ZNF483: variants seen among roughly 807,000 people sequenced by gnomAD.
ZNF483 encodes zinc finger protein HIT-10.
ZNF483 carries 9 observed loss-of-function variants against 28.6 expected under a neutral mutation model. That is an observed-to-expected ratio of 0.32 (90% CI 0.19 to 0.55). The LOEUF is 0.55. Among genes scored for constraint, ZNF483 ranks in the 20% least tolerant of loss-of-function variants. The probability of loss-of-function intolerance (pLI) is 0.93; values close to 1 mark genes in which losing one functional copy is unlikely to be tolerated. For synonymous variants in ZNF483, 322 were observed against 306.2 expected, an observed-to-expected ratio of 1.05 and a Z score of -0.54; for missense variants, 675 against 871.7, an observed-to-expected ratio of 0.77 and a Z score of 2.84.
At chr9:111,565,705 G>T (rs1828531224) in intron 5 of ZNF483, among the ~76,000 whole-genome samples, 1 of 151,806 alleles carries the variant, frequency 6.6e-6, no homozygotes, top group South Asian at 2.1e-4. Flanking sequence ...TTAACTTTTT[G>T]TTTTTTGTAG....
Position 111,549,414 on chromosome 9 carries a change from T to G in ZNF483, c.*6244T>G, listed in dbSNP as rs537064219. 6.6e-6 allele frequency among the ~76,000 whole-genome samples: 1 copy of G among 152,346 alleles called. No individual in the cohort carries two copies. Among genetic ancestry groups the G allele is most frequent in the South Asian group, 2.1e-4 (1 of 4,830 alleles). ...ACACATGTGAGGTTCCTCTGCTGAA[T>G]GAATCTTTTGGTGCTCAGTAAGTTG... On this transcript the variant is annotated 3_prime_UTR_variant, in exon 6 of 6. Coordinates refer to ENST00000309235, the MANE Select transcript of ZNF483 (RefSeq NM_133464.5).
Position 111,552,742 on chromosome 9 carries a change from A to G in ZNF483, c.*9572A>G, listed in dbSNP as rs997848493. ...TGTATCAAACAGTTCATCTAAGGCT[A>G]AAGAAAAATACTTGAAATTTTTCAA... is the stretch of plus-strand genomic sequence containing the variant. On this transcript the variant is annotated 3_prime_UTR_variant, in exon 6 of 6. Coordinates refer to ENST00000309235, the MANE Select transcript of ZNF483 (RefSeq NM_133464.5). Among the ~76,000 whole-genome samples the G allele has an allele frequency of 1.6e-4, 24 of 152,344 alleles. No individual in the cohort carries two copies. The highest frequency in any genetic ancestry group is 5.5e-4 in the African/African-American group (23 of 41,584).
rs1282414340 is a variant in ZNF483, at chr9:111,546,578, TTAA to T, written c.*3410_*3412del. On this transcript the variant is annotated 3_prime_UTR_variant, in exon 6 of 6. Coordinates refer to ENST00000309235, the MANE Select transcript of ZNF483 (RefSeq NM_133464.5). ...TCCTTGCTTTAAATAATGTTTCCTC[TTAA>T]TGAGCGTGTATAAATTTTTTTCATG... Among the ~76,000 whole-genome samples the T allele has an allele frequency of 6.6e-6, 1 of 152,208 alleles. No homozygotes were observed. Among genetic ancestry groups the T allele is most frequent in the Non-Finnish European group, 1.5e-5 (1 of 68,010 alleles).
At position 111,541,981 on chromosome 9, in the gene ZNF483, G is replaced by A. The variant is rs201645923; in HGVS notation, c.1046G>A (p.Arg349His). Residue 349 changes from arginine (R) to histidine (H), a missense_variant, in exon 6 of 6, where the codon CGC becomes CAC. By Grantham distance (29) the Arg-to-His change is conservative. Around this residue, in one of 6 missense-constraint regions of ZNF483, gnomAD observed 525 missense variants for 581.8 expected, o/e 0.90. Transcript: ENST00000309235. ...FSFHSDLVLNRKEKTAGEKSR... is the reference protein window; with the variant it reads ...FSFHSDLVLNHKEKTAGEKSR... ...TTTCATTCAGACCTTGTTCTGAACC[G>A]CAAGGAGAAAACCGCCGGAGAAAAG... The A allele has an allele frequency of 4.9e-5, 79 of 1,613,906 alleles. No homozygotes were observed. Among genetic ancestry groups the A allele is most frequent in the Admixed American group, 1.0e-4 (6 of 59,994 alleles).
intron 5 of ZNF483, among the ~76,000 whole-genome samples, chr9:111,565,083 C>CA (rs1185359014): frequency 2.6e-5 from 4 of 152,002 alleles, no homozygotes; most frequent in African/African-American, 7.3e-5. Context: ...GAGATCGCAC[C>CA]ATTGCACCCC....
At chr9:111,559,438 G>A (rs956944660), downstream of ZNF483, among the ~76,000 whole-genome samples, 3 of 151,864 alleles carry the variant, frequency 2.0e-5, no homozygotes, top group Admixed American at 6.6e-5. Flanking sequence ...CTACCCACAC[G>A]GATGACTTCA....
intron 5 of ZNF483, chr9:111,563,422 TAC>T: frequency 2.0e-6 from 1 of 500,204 alleles, no homozygotes. Flanking sequence ...TAAAAAAGAT[TAC>T]AAAGTACACC....
chr9:111,575,742 T>G (rs190857032), intron 5 of ZNF483, among the ~76,000 whole-genome samples: 2 of 152,248 alleles, frequency 1.3e-5, no homozygotes, highest in African/African-American at 4.8e-5. Flanking sequence ...ACACAAAAAT[T>G]AACTTAAAAT....
Position 111,544,359 on chromosome 9 carries a change from T to A in ZNF483, c.*1189T>A. On this transcript the variant is annotated 3_prime_UTR_variant, in exon 6 of 6. Coordinates refer to ENST00000309235, the MANE Select transcript of ZNF483 (RefSeq NM_133464.5). The stretch of plus-strand genomic sequence containing the variant: ...TTGGGTGTGTGTGCATGTGTGTGTG[T>A]GTGTGTGTGTGTGTATACATTGTTG... 1 of 984,126 alleles carries A rather than the reference T, an allele frequency of 1.0e-6. No homozygotes were observed. Among genetic ancestry groups the A allele is most frequent in the Non-Finnish European group, 1.2e-6 (1 of 828,888 alleles). 61.0% of individuals were successfully genotyped at this position (984,126 alleles called of 1,614,324 possible).
At chr9:111,533,116 A>G (rs1249633284) in intron 3 of ZNF483, among the ~76,000 whole-genome samples, 1 of 152,234 alleles carries the variant, frequency 6.6e-6, no homozygotes. Context: ...GTAAGCTTAC[A>G]TTAATTCTGC....
intron 3 of ZNF483, among the ~76,000 whole-genome samples, chr9:111,531,990 C>CA (rs1827358487): frequency 6.6e-6 from 1 of 152,220 alleles, no homozygotes; most frequent in Admixed American, 6.5e-5. Context: ...GACAGAAATA[C>CA]ATGTCCTTAA....
Position 111,544,392 on chromosome 9 carries a change from CTAAAATTA to C in ZNF483, c.*1223_*1230del. The C allele has an allele frequency of 2.0e-6, 2 of 977,238 alleles. No homozygotes were observed. Among genetic ancestry groups the C allele is most frequent in the Non-Finnish European group, 2.4e-6 (2 of 823,006 alleles). The allele number at this position is 977,238 out of a possible 1,614,324, so 60.5% of individuals were successfully genotyped here. On this transcript the variant is annotated 3_prime_UTR_variant, in exon 6 of 6. Transcript: ENST00000309235. ...TGTGTGTATACATTGTTGCCACTAT[CTAAAATTA>C]GGGCATTTCATACTAAAAACAAAGC...
In ZNF483 at chr9:111,551,744, T is replaced by C. The variant is rs1478774177; in HGVS notation, c.*8574T>C. On this transcript the variant is annotated 3_prime_UTR_variant, in exon 6 of 6. Transcript: ENST00000309235. ...TTTGCATCCACATTAACAAAACTTT[T>C]ATTAGAAAAATTCATTTAATATCTA... is the stretch of plus-strand genomic sequence containing the variant. Among the ~76,000 whole-genome samples the C allele has an allele frequency of 6.6e-6, 1 of 152,240 alleles. No individual in the cohort carries two copies. Among genetic ancestry groups the C allele is most frequent in the African/African-American group, 2.4e-5 (1 of 41,464 alleles).
At chr9:111,525,765 GGAGCC>G (rs1827172031) in intron 1 of ZNF483, among the ~76,000 whole-genome samples, 1 of 152,102 alleles carries the variant, frequency 6.6e-6, no homozygotes, top group African/African-American at 2.4e-5. Flanking sequence ...TAGTCATCGC[GGAGCC>G]CCAGGTGCTC....
In ZNF483 at chr9:111,550,388, G is replaced by A. The variant is rs1319078273; in HGVS notation, c.*7218G>A. On this transcript the variant is annotated 3_prime_UTR_variant, in exon 6 of 6. Transcript: ENST00000309235. ...AGAACCCTGATATTTGGAGGAAGTGGCTATTATTGTCCACCCTGGCTGCAG... is the reference window on the plus strand; with the variant it reads ...AGAACCCTGATATTTGGAGGAAGTGACTATTATTGTCCACCCTGGCTGCAG... 6.6e-6 allele frequency among the ~76,000 whole-genome samples: 1 copy of A among 152,164 alleles called. No homozygotes were observed. Among genetic ancestry groups the A allele is most frequent in the East Asian group, 1.9e-4 (1 of 5,192 alleles).
intron 5 of ZNF483, chr9:111,570,182 TGATA>T (rs769066972): frequency 6.2e-7 from 1 of 1,614,036 alleles, no homozygotes; most frequent in Non-Finnish European, 8.5e-7. Flanking sequence ...GCGAAGCTCC[TGATA>T]GATAACAATC....
rs780525406 is a variant in ZNF483 at position 111,527,470 on chromosome 9, A to G, written c.75A>G (p.Gln25=). The G allele has an allele frequency of 2.3e-5, 37 of 1,614,084 alleles. No homozygotes were observed. Among genetic ancestry groups the G allele is most frequent in the Non-Finnish European group, 3.1e-5 (36 of 1,180,042 alleles). Residue 25 remains glutamine, a synonymous_variant, in exon 2 of 6, where the codon CAA becomes CAG. Transcript: ENST00000309235. ...CTCAAACTCTGGCCTCGACTGAACAAAATGAGGTCCCAAGAGTGGTTACTT... is the reference window on the plus strand; with the variant it reads ...CTCAAACTCTGGCCTCGACTGAACAGAATGAGGTCCCAAGAGTGGTTACTT... The part of the protein sequence containing the change: ...PEPQTLASTE[Q]NEVPRVVTSG...
At chr9:111,539,380 T>C (rs944947893) in intron 5 of ZNF483, 2 of 454,024 alleles carry the variant, frequency 4.4e-6, no homozygotes, top group African/African-American at 2.0e-5. Flanking sequence ...TCATGTGTCA[T>C]TTAAAGCAGT....
At chr9:111,570,015 T>A (rs777050135) in intron 5 of ZNF483, 1 of 1,593,192 alleles carries the variant, frequency 6.3e-7, no homozygotes, top group Non-Finnish European at 8.6e-7. Flanking sequence ...GAAGAATTGG[T>A]AGAACAAAAG....
Sources: gnomAD v4.1 joint callset for allele counts (sites outside exome capture counted in the v4.1 genomes callset) on GRCh38, gnomAD v4.1.1 for gene constraint, gnomAD v4.1.1 regional missense constraint, MANE v1.5 for transcripts, NCBI Gene and HGNC (gene_info 2026-07-23, HGNC 2026-07-21) for gene names.